The following GABBR1 variants were observed in gnomAD, a reference collection of about 807,000 sequenced individuals.
GABBR1 encodes GABA-B receptor, R1 subunit.
GABBR1 carries 35 observed loss-of-function variants against 117.7 expected under a neutral mutation model. That is an observed-to-expected ratio of 0.30 (90% confidence interval 0.23 to 0.39). GABBR1 has a LOEUF of 0.39. GABBR1 is among the 10% of genes least tolerant of loss of function. The probability of loss-of-function intolerance (pLI) is 1.00; values close to 1 mark genes in which losing one functional copy is unlikely to be tolerated. For synonymous variants in GABBR1, 442 were observed against 486.6 expected, an observed-to-expected ratio of 0.91 and a Z score of 1.21; for missense variants, 709 against 1,241.8, an observed-to-expected ratio of 0.57 and a Z score of 6.45.
Position 29,621,879 on chromosome 6 carries a change from G to A in GABBR1, c.1066-62C>T. 6.5e-7 allele frequency: 1 copy of A among 1,537,460 alleles called. No homozygotes were observed. Among genetic ancestry groups the A allele is most frequent in the Non-Finnish European group, 9.0e-7 (1 of 1,111,404 alleles). On this transcript the variant is annotated intron_variant, in intron 9 of 22. Coordinates refer to ENST00000377034, the MANE Select transcript of GABBR1 (RefSeq NM_001470.4). This position sits in a 1 kb window ranked among gnomAD's most constrained non-coding sequence, Gnocchi z 5.0. ...CGGGAATGCCTGAGGGGCTAAGCCAGATGTCTTCACAGCTTTGATTTCCCA... is the reference window on the plus strand; with the variant it reads ...CGGGAATGCCTGAGGGGCTAAGCCAAATGTCTTCACAGCTTTGATTTCCCA...
chr6:29,605,711 G>C lies in GABBR1; in HGVS notation c.2312-15C>G. 6.2e-7 allele frequency: 1 copy of C among 1,610,318 alleles called. No homozygotes were observed. ...ATAGAAAATGCCTAGGATGGCAGGA[G>C]AGAGTCACTTGAGCAACAAGGACCA... On this transcript the variant is annotated splice_polypyrimidine_tract_variant and intron_variant, in intron 19 of 22. Coordinates refer to ENST00000377034, the MANE Select transcript of GABBR1 (RefSeq NM_001470.4). The surrounding 1 kb of genome is among the most constrained non-coding windows in gnomAD (Gnocchi z 4.2).
In GABBR1 at chr6:29,604,166, G is replaced by A. The variant is rs1761703013; in HGVS notation, c.2712+328C>T. 6.6e-6 allele frequency among the ~76,000 whole-genome samples: 1 copy of A among 151,996 alleles called. No individual in the cohort carries two copies. The highest frequency in any genetic ancestry group is 1.5e-5 in the Non-Finnish European group (1 of 67,986). On this transcript the variant is annotated intron_variant, in intron 22 of 22. Transcript: ENST00000377034. The surrounding 1 kb of genome is among the most constrained non-coding windows in gnomAD (Gnocchi z 5.3). ...GCTGCTGTGAGTGTTGACTACTAGA[G>A]GCTCACAGCTGCCTCTCTCCAGTTG... is the stretch of plus-strand genomic sequence containing the variant.
chr6:29,627,468 C>CCCCCCCGG lies in GABBR1; in HGVS notation c.657+17_657+18insCCGGGGGG. ...CCGCAAGCCCCCACCTCCCACCCACCCCCATGTCCAGGGCTACCTTGCTGT... is the reference window on the plus strand; with the variant it reads ...CCGCAAGCCCCCACCTCCCACCCACCCCCCCCGGCCCATGTCCAGGGCTACCTTGCTGT... On this transcript the variant is annotated intron_variant, in intron 6 of 22. Coordinates refer to ENST00000377034, the MANE Select transcript of GABBR1 (RefSeq NM_001470.4). This position sits in a 1 kb window ranked among gnomAD's most constrained non-coding sequence, Gnocchi z 4.4. The CCCCCCCGG allele has an allele frequency of 6.4e-7, 1 of 1,570,718 alleles. No homozygotes were observed. The highest frequency in any genetic ancestry group is 8.6e-7 in the Non-Finnish European group (1 of 1,157,682).
chr6:29,605,798 G>C lies in GABBR1; in HGVS notation c.2312-102C>G, dbSNP rs1272718118. 5 of 1,407,286 alleles carry C rather than the reference G, an allele frequency of 3.6e-6. No homozygotes were observed. The highest frequency in any genetic ancestry group is 3.9e-6 in the Non-Finnish European group (4 of 1,036,862). 87.2% of individuals were successfully genotyped at this position (1,407,286 alleles called of 1,614,324 possible). ...CTTCACCTACTCTGAAATGGAAAGGGGGCCCTCCTCTCCAATCCAACCCCT... is the reference window on the plus strand; with the variant it reads ...CTTCACCTACTCTGAAATGGAAAGGCGGCCCTCCTCTCCAATCCAACCCCT... On this transcript the variant is annotated intron_variant, in intron 19 of 22. Transcript: ENST00000377034. The surrounding 1 kb of genome is among the most constrained non-coding windows in gnomAD (Gnocchi z 4.2).
rs1218716487 is a variant in GABBR1, at chr6:29,607,031, C to A, written c.2110-27G>T. The A allele has an allele frequency of 6.2e-7, 1 of 1,611,546 alleles. No homozygotes were observed. The highest frequency in any genetic ancestry group is 8.5e-7 in the Non-Finnish European group (1 of 1,177,600). On this transcript the variant is annotated intron_variant, in intron 17 of 22. Transcript: ENST00000377034. The surrounding 1 kb of genome is among the most constrained non-coding windows in gnomAD (Gnocchi z 5.0). ...TGGATAAATATGTGGGGAGAACAGG[C>A]ACGTCAGGGGAAAATGCTCTGTGCC...
rs773034850 is a variant in GABBR1, at chr6:29,606,527, C to T, written c.2218-43G>A. On this transcript the variant is annotated intron_variant, in intron 18 of 22. Coordinates refer to ENST00000377034, the MANE Select transcript of GABBR1 (RefSeq NM_001470.4). The surrounding 1 kb of genome is among the most constrained non-coding windows in gnomAD (Gnocchi z 4.5). Reference sequence around the variant, plus strand: ...TCACAAGAAAGATGGTTGCCAGCCTCCCCTCCTCTCCTCAACGCTTCTCAG... The same window carrying T: ...TCACAAGAAAGATGGTTGCCAGCCTTCCCTCCTCTCCTCAACGCTTCTCAG... 1 of 1,303,980 alleles carries T rather than the reference C, an allele frequency of 7.7e-7. No homozygotes were observed. The highest frequency in any genetic ancestry group is 1.1e-6 in the Non-Finnish European group (1 of 897,896). 80.8% of individuals were successfully genotyped at this position (1,303,980 alleles called of 1,614,324 possible).
chr6:29,611,116 C>A lies in GABBR1; in HGVS notation c.1631-115G>T. Reference sequence around the variant, plus strand: ...ATGGTTGTATCTGATTTTATTTTCACCTGAGGCCCTAAGGATGCTTGGAAG... The same window carrying A: ...ATGGTTGTATCTGATTTTATTTTCAACTGAGGCCCTAAGGATGCTTGGAAG... On this transcript the variant is annotated intron_variant, in intron 13 of 22. Coordinates refer to ENST00000377034, the MANE Select transcript of GABBR1 (RefSeq NM_001470.4). This position sits in a 1 kb window ranked among gnomAD's most constrained non-coding sequence, Gnocchi z 4.6. 1 of 782,880 alleles carries A rather than the reference C, an allele frequency of 1.3e-6. No homozygotes were observed. The highest frequency in any genetic ancestry group is 2.2e-5 in the Admixed American group (1 of 45,596). 48.5% of individuals were successfully genotyped at this position (782,880 alleles called of 1,614,324 possible).
chr6:29,621,705 A>C lies in GABBR1; in HGVS notation c.1131+47T>G. Reference sequence around the variant, plus strand: ...AAGAGGAGGCCCCACAAGAAAACCAAGGGAAACTCCCACCCAGTGCCCCTC... The same window carrying C: ...AAGAGGAGGCCCCACAAGAAAACCACGGGAAACTCCCACCCAGTGCCCCTC... On this transcript the variant is annotated intron_variant, in intron 10 of 22. Coordinates refer to ENST00000377034, the MANE Select transcript of GABBR1 (RefSeq NM_001470.4). This position sits in a 1 kb window ranked among gnomAD's most constrained non-coding sequence, Gnocchi z 5.0. 6.4e-7 allele frequency: 1 copy of C among 1,562,262 alleles called. No individual in the cohort carries two copies. The highest frequency in any genetic ancestry group is 8.8e-7 in the Non-Finnish European group (1 of 1,133,332).
In GABBR1 at chr6:29,631,735, T is replaced by G; in HGVS notation, c.86-136A>C. 2.8e-6 allele frequency: 2 copies of G among 716,388 alleles called. No individual in the cohort carries two copies. The highest frequency in any genetic ancestry group is 3.3e-5 in the South Asian group (2 of 60,204). 44.4% of individuals were successfully genotyped at this position (716,388 alleles called of 1,614,324 possible). On this transcript the variant is annotated intron_variant, in intron 2 of 22. Transcript: ENST00000377034. The surrounding 1 kb of genome is among the most constrained non-coding windows in gnomAD (Gnocchi z 5.9). ...GGACAGAGGAAGAGGGATGGGGCAC[T>G]AGAGGGTGGGAGTGGGGACAGGTAC...
In GABBR1 at chr6:29,622,223, A is replaced by T. The variant is rs3025629; in HGVS notation, c.964-18T>A. On this transcript the variant is annotated intron_variant, in intron 8 of 22. Coordinates refer to ENST00000377034, the MANE Select transcript of GABBR1 (RefSeq NM_001470.4). The surrounding 1 kb of genome is among the most constrained non-coding windows in gnomAD (Gnocchi z 4.6). ...TCCAGAGTCTTGGGTGGGAATAAAAAACAAGTTGGAAAAACACGGGGTGCA... is the reference window on the plus strand; with the variant it reads ...TCCAGAGTCTTGGGTGGGAATAAAATACAAGTTGGAAAAACACGGGGTGCA... 64,112 of 1,581,924 alleles carry T rather than the reference A, an allele frequency of 0.041. 1,459 individuals are homozygous for T. Among genetic ancestry groups the T allele is most frequent in the Middle Eastern group, 0.11 (632 of 6,016 alleles).
intron 11 of GABBR1, among the ~76,000 whole-genome samples, chr6:29,618,081 G>A (rs1262931752): frequency 6.6e-6 from 1 of 152,140 alleles, no homozygotes; most frequent in Non-Finnish European, 1.5e-5. Context: ...CTGTACATGA[G>A]ACTGCCTCTC....
rs1761985061 is a variant in GABBR1 at position 29,606,601 on chromosome 6, A to G, written c.2218-117T>C. 1.3e-6 allele frequency: 1 copy of G among 769,276 alleles called. No homozygotes were observed. Among genetic ancestry groups the G allele is most frequent in the African/African-American group, 1.7e-5 (1 of 58,562 alleles). 47.7% of individuals were successfully genotyped at this position (769,276 alleles called of 1,614,324 possible). On this transcript the variant is annotated intron_variant, in intron 18 of 22. Transcript: ENST00000377034. The surrounding 1 kb of genome is among the most constrained non-coding windows in gnomAD (Gnocchi z 4.5). ...TATGAGACCCTCAATGCTGATGCCAAATCTCATTCTAGGCCTAAGAATGTT... is the reference window on the plus strand; with the variant it reads ...TATGAGACCCTCAATGCTGATGCCAGATCTCATTCTAGGCCTAAGAATGTT...
In GABBR1 at chr6:29,621,060, C is replaced by T. The variant is rs1763702951; in HGVS notation, c.1323+41G>A. 6 of 1,577,784 alleles carry T rather than the reference C, an allele frequency of 3.8e-6. No homozygotes were observed. The South Asian group carries it at 5.7e-5, about 15-fold the overall frequency. Reference sequence around the variant, plus strand: ...CCTGCAAGGCCCCCTCAGTCCTCTCCACCCTCCCAGGTGCCAGACTGCAAG... The same window carrying T: ...CCTGCAAGGCCCCCTCAGTCCTCTCTACCCTCCCAGGTGCCAGACTGCAAG... On this transcript the variant is annotated intron_variant, in intron 11 of 22. Coordinates refer to ENST00000377034, the MANE Select transcript of GABBR1 (RefSeq NM_001470.4). This position sits in a 1 kb window ranked among gnomAD's most constrained non-coding sequence, Gnocchi z 5.0.
rs923909815 is a variant in GABBR1 at position 29,613,040 on chromosome 6, T to TA, written c.1566+202dup. Among the ~76,000 whole-genome samples, 5 of 152,202 alleles carry TA rather than the reference T, an allele frequency of 3.3e-5. No homozygotes were observed. The highest frequency in any genetic ancestry group is 7.4e-5 in the Non-Finnish European group (5 of 68,026). ...TTGAAAAGAAATGAGGGGAGGGGTT[T>TA]AAAAAAATGGAATACATCATTTTTT... On this transcript the variant is annotated intron_variant, in intron 12 of 22. Transcript: ENST00000377034. The surrounding 1 kb of genome is among the most constrained non-coding windows in gnomAD (Gnocchi z 4.1).
chr6:29,629,098 G>A lies in GABBR1; in HGVS notation c.485C>T (p.Thr162Met), dbSNP rs776263410. The A allele has an allele frequency of 5.6e-6, 9 of 1,612,924 alleles. No individual in the cohort carries two copies. Among genetic ancestry groups the A allele is most frequent in the Non-Finnish European group, 7.6e-6 (9 of 1,180,004 alleles). ...GTTTCTCATCTCACCTGAGTGTGGC[G>A]TTCGATTCACTGGCAGCAGGAAAGA... is the stretch of plus-strand genomic sequence containing the variant. ...TPKPHCQVNR[T>M]PHSERRAVYI... Residue 162 changes from threonine to methionine, a missense_variant, in exon 5 of 23, where the codon ACG becomes ATG. By Grantham distance (81) the Thr-to-Met change is moderately conservative. Around this residue, in one of 9 missense-constraint regions of GABBR1, gnomAD observed 192 missense variants for 418.4 expected, o/e 0.46. Transcript: ENST00000377034.
At chr6:29,603,746 G>A in intron 22 of GABBR1, 30 bp from the exon 23 acceptor site, 1 of 1,444,294 alleles carries the variant, frequency 6.9e-7, no homozygotes. Flanking sequence ...TGGGATAGTA[G>A]GAGAAGAGGA....
rs1203922774 is a variant in GABBR1, at chr6:29,628,003, G to C, written c.497-357C>G. The C allele has an allele frequency of 3.0e-6, 4 of 1,314,708 alleles. No homozygotes were observed. In the African/African-American group the frequency reaches 4.7e-5, roughly 15 times the overall value. The allele number at this position is 1,314,708 out of a possible 1,614,324, so 81.4% of individuals were successfully genotyped here. On this transcript the variant is annotated intron_variant, in intron 5 of 22. Coordinates refer to ENST00000377034, the MANE Select transcript of GABBR1 (RefSeq NM_001470.4). Reference sequence around the variant, plus strand: ...GTCGCCGCCACCGCGGACTCTCCTCGCGGACTGACTGACCGACGGAGGGGA... The same window carrying C: ...GTCGCCGCCACCGCGGACTCTCCTCCCGGACTGACTGACCGACGGAGGGGA...
Position 29,631,733 on chromosome 6 carries a change from A to G in GABBR1, c.86-134T>C, listed in dbSNP as rs1034590454. 2.8e-6 allele frequency: 2 copies of G among 723,022 alleles called. No individual in the cohort carries two copies. Among genetic ancestry groups the G allele is most frequent in the African/African-American group, 3.5e-5 (2 of 57,278 alleles). 44.8% of individuals were successfully genotyped at this position (723,022 alleles called of 1,614,324 possible). On this transcript the variant is annotated intron_variant, in intron 2 of 22. Coordinates refer to ENST00000377034, the MANE Select transcript of GABBR1 (RefSeq NM_001470.4). This position sits in a 1 kb window ranked among gnomAD's most constrained non-coding sequence, Gnocchi z 5.9. ...GGGGACAGAGGAAGAGGGATGGGGC[A>G]CTAGAGGGTGGGAGTGGGGACAGGT... is the stretch of plus-strand genomic sequence containing the variant.
chr6:29,632,246 C>T lies in GABBR1; in HGVS notation c.85+55G>A. The T allele has an allele frequency of 9.6e-7, 1 of 1,040,140 alleles. No homozygotes were observed. Among genetic ancestry groups the T allele is most frequent in the Non-Finnish European group, 1.3e-6 (1 of 755,764 alleles). 64.4% of individuals were successfully genotyped at this position (1,040,140 alleles called of 1,614,324 possible). The stretch of plus-strand genomic sequence containing the variant: ...GATGAGGACCAGAAATGAGGAGATG[C>T]AGGGAAAGGGAAGTGGAGCGAAGGA... On this transcript the variant is annotated intron_variant, in intron 2 of 22. Transcript: ENST00000377034. This position sits in a 1 kb window ranked among gnomAD's most constrained non-coding sequence, Gnocchi z 5.8.
Sources: allele counts gnomAD v4.1 joint callset (sites outside exome capture counted in the v4.1 genomes callset), GRCh38; gene constraint gnomAD v4.1.1; regional missense constraint gnomAD v4.1.1; non-coding constraint Gnocchi (gnomAD v3.1); transcripts MANE v1.5; gene names NCBI Gene and HGNC (gene_info 2026-07-23, HGNC 2026-07-21).